ATE1: variants seen among roughly 807,000 people sequenced by gnomAD.
ATE1 encodes the protein arginyltransferase 1.
In ATE1, 36 loss-of-function variants were observed where a neutral mutation model predicts 70.5. The observed-to-expected ratio is 0.51, with a 90% CI of 0.39 to 0.67. The LOEUF is 0.67. Ranked by LOEUF, ATE1 falls within the 30% of genes least tolerant of loss-of-function variation. ATE1 has a pLI of 0.00. For synonymous variants in ATE1, 232 were observed against 219.3 expected (o/e 1.06, Z -0.51); for missense variants, 593 against 629.5 (o/e 0.94, Z 0.62).
chr10:121,918,825 G>A (rs141779294), intron 3 of ATE1, among the ~76,000 whole-genome samples: 6 of 151,970 alleles, frequency 3.9e-5, no homozygotes, highest in Admixed American at 3.9e-4. Context: ...TGGGGGGGAC[G>A]TGAAGAACTT....
intron 10 of ATE1, among the ~76,000 whole-genome samples, chr10:121,811,380 G>A (rs924875630): frequency 2.6e-5 from 4 of 152,116 alleles, no homozygotes; most frequent in Non-Finnish European, 2.9e-5. Flanking sequence ...ACACTGTACC[G>A]GTATTCTTTG....
chr10:121,803,799 C>A (rs1946988988), intron 10 of ATE1, among the ~76,000 whole-genome samples: 1 of 152,172 alleles, frequency 6.6e-6, no homozygotes, highest in South Asian at 2.1e-4. Context: ...TTAATTACAC[C>A]CCTGAGGGGA....
intron 11 of ATE1, among the ~76,000 whole-genome samples, chr10:121,761,823 G>C (rs972160007): frequency 1.3e-5 from 2 of 151,940 alleles, no homozygotes; most frequent in South Asian, 2.1e-4. Flanking sequence ...TTGTATAATC[G>C]ATTTTTTCTC....
intron 10 of ATE1, among the ~76,000 whole-genome samples, chr10:121,799,879 A>G (rs1311207238): frequency 6.6e-6 from 1 of 152,226 alleles, no homozygotes; most frequent in East Asian, 1.9e-4. Context: ...ATCAGAAATA[A>G]AAGAAAAACC....
rs537262720 is a variant in ATE1, at chr10:121,918,616, T to A, written c.233+3733A>T. Among the ~76,000 whole-genome samples, 17 of 152,260 alleles carry A rather than the reference T, an allele frequency of 1.1e-4. 1 individual carries two copies. In the East Asian group the frequency reaches 2.5e-3, roughly 22 times the overall value. On this transcript the variant is annotated intron_variant, in intron 3 of 11. Coordinates refer to ENST00000224652, the MANE Select transcript of ATE1 (RefSeq NM_001001976.3). ...GAATAGAATCCTGTCCATAATCCAATAAATTGCTAATTGAAGACAAATGAC... is the reference window on the plus strand; with the variant it reads ...GAATAGAATCCTGTCCATAATCCAAAAAATTGCTAATTGAAGACAAATGAC...
At chr10:121,861,775 C>T (rs907327614) in intron 8 of ATE1, among the ~76,000 whole-genome samples, 1 of 151,656 alleles carries the variant, frequency 6.6e-6, no homozygotes, top group East Asian at 1.9e-4. Context: ...AGATATATGG[C>T]TGCAACTTAC....
intron 9 of ATE1, among the ~76,000 whole-genome samples, chr10:121,839,758 G>A (rs1356623238): frequency 6.6e-6 from 1 of 152,092 alleles, no homozygotes; most frequent in Non-Finnish European, 1.5e-5. Flanking sequence ...AGTTGAAAAT[G>A]CTAAGACAAA....
chr10:121,886,295 A>T (rs982859453), intron 7 of ATE1, among the ~76,000 whole-genome samples: 9 of 49,242 alleles, frequency 1.8e-4, no homozygotes, highest in Middle Eastern at 7.9e-3. Flanking sequence ...TTGATGATTT[A>T]AAAAAAAAAA....
At chr10:121,920,048 T>C (rs1235145956) in intron 3 of ATE1, among the ~76,000 whole-genome samples, 1 of 151,974 alleles carries the variant, frequency 6.6e-6, no homozygotes, top group African/African-American at 2.4e-5. Flanking sequence ...ACAAAAAAAC[T>C]AATGGACAAA....
chr10:121,819,672 A>ACT (rs568937365), intron 10 of ATE1, among the ~76,000 whole-genome samples: 98,152 of 110,398 alleles, frequency 0.89, 43,972 homozygotes, highest in Middle Eastern at 0.95. Flanking sequence ...ACAGAGCAAG[A>ACT]CTGTCTCAAA....
chr10:121,852,208 T>G (rs1949081372), intron 8 of ATE1, among the ~76,000 whole-genome samples: 1 of 152,190 alleles, frequency 6.6e-6, no homozygotes, highest in African/African-American at 2.4e-5. Context: ...CTGAGTTCTC[T>G]TCTCTTCCAA....
chr10:121,899,191 T>A (rs951833016), intron 7 of ATE1, among the ~76,000 whole-genome samples: 2 of 148,276 alleles, frequency 1.3e-5, no homozygotes, highest in Admixed American at 1.3e-4. Context: ...AACAATTTGT[T>A]CTTTTTTTTT....
intron 11 of ATE1, among the ~76,000 whole-genome samples, chr10:121,745,805 G>A (rs181688724): frequency 2.1e-3 from 319 of 152,198 alleles, no homozygotes; most frequent in Non-Finnish European, 3.7e-3. Flanking sequence ...GGCTGTTTAT[G>A]GCAACACTCT....
At position 121,870,613 on chromosome 10, in the gene ATE1, T is replaced by C. The variant is rs138976676; in HGVS notation, c.943-575A>G. Among the ~76,000 whole-genome samples, 7 of 152,254 alleles carry C rather than the reference T, an allele frequency of 4.6e-5. No individual in the cohort carries two copies. The East Asian group carries it at 1.4e-3, about 29-fold the overall frequency. Reference sequence around the variant, plus strand: ...TCTCTTTTCTCAGTCCCATATCCCTTTCCTTCCTTCCTTCTCTCTCCCTTT... The same window carrying C: ...TCTCTTTTCTCAGTCCCATATCCCTCTCCTTCCTTCCTTCTCTCTCCCTTT... On this transcript the variant is annotated intron_variant, in intron 7 of 11. Transcript: ENST00000224652.
At chr10:121,824,952 T>TA (rs533476524) in intron 10 of ATE1, among the ~76,000 whole-genome samples, 1,584 of 132,964 alleles carry the variant, frequency 0.012, 25 homozygotes, top group African/African-American at 0.031. Flanking sequence ...ATGTTTACAG[T>TA]AAAAAAAAAA....
chr10:121,839,771 A>C (rs146658238), intron 9 of ATE1, among the ~76,000 whole-genome samples: 51 of 152,276 alleles, frequency 3.3e-4, no homozygotes, highest in African/African-American at 1.2e-3. Context: ...AAGACAAAGA[A>C]CTTTATATTG....
chr10:121,899,021 A>G, intron 7 of ATE1: 2 of 1,590,376 alleles, frequency 1.3e-6, no homozygotes, highest in Non-Finnish European at 1.7e-6. Flanking sequence ...CTCTGATGAT[A>G]TGCTTCTGAA....
chr10:121,791,097 T>TATATA (rs112405077), intron 10 of ATE1, among the ~76,000 whole-genome samples: 1 of 99,128 alleles, frequency 1.0e-5, no homozygotes, highest in Admixed American at 1.1e-4. Context: ...TGTATATATA[T>TATATA]TTTTTTTTTT....
intron 9 of ATE1, among the ~76,000 whole-genome samples, chr10:121,837,638 G>A (rs942685844): frequency 6.6e-6 from 1 of 152,110 alleles, no homozygotes; most frequent in South Asian, 2.1e-4. Flanking sequence ...CTAAAGAAAT[G>A]TATTTGTAAT....
Sources: gnomAD v4.1 joint callset for allele counts (sites outside exome capture counted in the v4.1 genomes callset) on GRCh38, gnomAD v4.1.1 for gene constraint, MANE v1.5 for transcripts, NCBI Gene and HGNC (gene_info 2026-07-23, HGNC 2026-07-21) for gene names.